SGCD: variants seen among roughly 807,000 people sequenced by gnomAD.
SGCD encodes delta-sarcoglycan.
SGCD carries 18 observed loss-of-function variants against 36.6 expected under a neutral mutation model. That is an observed-to-expected ratio of 0.49 (90% CI 0.34 to 0.73). The LOEUF (loss-of-function observed/expected upper bound fraction) is 0.73, where lower values mean the gene tolerates loss of function less well. SGCD is among the 30% of genes least tolerant of loss of function. The pLI is 0.01. For missense variants in SGCD, 387 were observed against 346.7 expected, an observed-to-expected ratio of 1.12 and a Z score of -0.92; for synonymous variants, 133 against 130.6, an observed-to-expected ratio of 1.02 and a Z score of -0.12.
intron 2 of SGCD, among the ~76,000 whole-genome samples, chr5:156,342,811 C>A (rs780296802): frequency 3.3e-5 from 5 of 152,218 alleles, no homozygotes; most frequent in Admixed American, 1.3e-4. Flanking sequence ...TACATACCCC[C>A]AGACAGCAGC....
At chr5:155,961,594 G>T (rs1474476659) in intron 1 of SGCD, among the ~76,000 whole-genome samples, 3 of 152,126 alleles carry the variant, frequency 2.0e-5, no homozygotes, top group Non-Finnish European at 4.4e-5. Context: ...TAGCCATGCT[G>T]TGTGTTGCCG....
chr5:156,604,362 T>C (rs1391679321), intron 6 of SGCD, among the ~76,000 whole-genome samples: 1 of 152,020 alleles, frequency 6.6e-6, no homozygotes, highest in Non-Finnish European at 1.5e-5. Flanking sequence ...TATATTTTAA[T>C]TAAAGAATTT....
intron 1 of SGCD, among the ~76,000 whole-genome samples, chr5:155,883,540 G>A (rs944669388): frequency 3.9e-5 from 6 of 152,068 alleles, no homozygotes; most frequent in African/African-American, 9.7e-5. Flanking sequence ...TGGAAGAATG[G>A]CTGGTTGGTG....
chr5:156,351,756 C>T (rs1769269854), intron 3 of SGCD, among the ~76,000 whole-genome samples: 1 of 152,006 alleles, frequency 6.6e-6, no homozygotes, highest in Non-Finnish European at 1.5e-5. Context: ...ACCAATTTTA[C>T]AAGGGAGGGA....
chr5:156,071,846 A>G (rs532867782), intron 1 of SGCD, among the ~76,000 whole-genome samples: 1 of 152,274 alleles, frequency 6.6e-6, no homozygotes, highest in Non-Finnish European at 1.5e-5. Context: ...TTAGATAGTT[A>G]GCTCTTCTTG....
chr5:156,122,790 A>G (rs1473516638), intron 2 of SGCD, among the ~76,000 whole-genome samples: 1 of 138,988 alleles, frequency 7.2e-6, no homozygotes, highest in Admixed American at 7.8e-5. Flanking sequence ...CTGCTGTGCA[A>G]CCTTGTAGAT....
At chr5:155,870,353 A>G (rs930372039) in exon 1 of SGCD, 10 of 152,218 alleles carry the variant, frequency 6.6e-5, no homozygotes, top group Non-Finnish European at 1.0e-4. Context: ...GGTGATATCT[A>G]TTGAAGCTGG....
chr5:156,344,147 C>T (rs138279752), intron 2 of SGCD, among the ~76,000 whole-genome samples: 4 of 152,242 alleles, frequency 2.6e-5, no homozygotes, highest in Admixed American at 6.5e-5. Context: ...ATTTTTCCTT[C>T]GGTTTGGTAG....
intron 1 of SGCD, among the ~76,000 whole-genome samples, chr5:155,967,805 G>A (rs1399659098): frequency 6.6e-6 from 1 of 152,024 alleles, no homozygotes; most frequent in Non-Finnish European, 1.5e-5. Flanking sequence ...TAATTTGGTA[G>A]AGATAGTGTG....
At chr5:155,746,802 T>C in the SGCD span, among the ~76,000 whole-genome samples, 1 of 152,200 alleles carries the variant, frequency 6.6e-6, no homozygotes, top group Admixed American at 6.5e-5. Context: ...CAGTTAAATC[T>C]GTACTTACTG....
At chr5:156,090,526 A>G (rs1370610890) in intron 1 of SGCD, among the ~76,000 whole-genome samples, 1 of 152,184 alleles carries the variant, frequency 6.6e-6, no homozygotes, top group African/African-American at 2.4e-5. Flanking sequence ...AGGGCAGAGC[A>G]AGATCACAAG....
intron 3 of SGCD, among the ~76,000 whole-genome samples, chr5:156,160,885 G>A (rs1030255240): frequency 2.0e-5 from 3 of 151,578 alleles, no homozygotes; most frequent in Non-Finnish European, 4.4e-5. Flanking sequence ...TTCCTCTAAA[G>A]AGCTAGATAG....
chr5:156,076,259 A>G (rs1760782365), intron 1 of SGCD, among the ~76,000 whole-genome samples: 2 of 152,018 alleles, frequency 1.3e-5, no homozygotes, highest in Non-Finnish European at 2.9e-5. Context: ...ACCTTGATAC[A>G]GCAGGTGGTT....
the SGCD span, among the ~76,000 whole-genome samples, chr5:155,786,936 A>T: frequency 4.6e-5 from 7 of 152,300 alleles, no homozygotes; most frequent in East Asian, 1.4e-3. Context: ...GAGCTAGTTC[A>T]TTAGCTGCCT....
At chr5:156,268,724 C>G (rs1347560684) in intron 3 of SGCD, among the ~76,000 whole-genome samples, 2 of 152,148 alleles carry the variant, frequency 1.3e-5, no homozygotes, top group Non-Finnish European at 2.9e-5. Context: ...TCCTGAGTAG[C>G]TGGGATTAGA....
intron 1 of SGCD, among the ~76,000 whole-genome samples, chr5:155,954,367 AAGC>A (rs1757604724): frequency 6.6e-6 from 1 of 152,146 alleles, no homozygotes; most frequent in African/African-American, 2.4e-5. Flanking sequence ...ACTTCACACA[AAGC>A]AGCACATACA....
the SGCD span, among the ~76,000 whole-genome samples, chr5:155,797,697 C>G: frequency 3.9e-5 from 6 of 152,206 alleles, no homozygotes; most frequent in African/African-American, 1.4e-4. Context: ...AATCCCCAAG[C>G]TCTCAGAGCT....
chr5:156,487,817 G>GAAAA (rs1381150210), intron 3 of SGCD, among the ~76,000 whole-genome samples: 12 of 66,906 alleles, frequency 1.8e-4, no homozygotes, highest in South Asian at 5.9e-4. Context: ...AAAAAAAAAA[G>GAAAA]AAAGAAAGAA....
rs1554082630 is a variant in SGCD at position 156,185,873 on chromosome 5, A to AGAGAGAGAGG, written c.-44+61863_-44+61864insGGAGAGAGAG. ...TATAGAGAGAGAGAGAGAGAGAGAGAGAGAGAGAGAGAGGGCCATGTCTCC... is the reference window on the plus strand; with the variant it reads ...TATAGAGAGAGAGAGAGAGAGAGAGAGAGAGAGAGGGAGAGAGAGAGAGGGCCATGTCTCC... On this transcript the variant is annotated intron_variant, in intron 3 of 9. Transcript: ENST00000517913. Among the ~76,000 whole-genome samples the AGAGAGAGAGG allele has an allele frequency of 1.3e-4, 16 of 124,738 alleles. 1 individual carries two copies. The highest frequency in any genetic ancestry group is 4.1e-4 in the Admixed American group (5 of 12,216). The allele number at this position is 124,738 out of a possible 152,430, so 81.8% of individuals were successfully genotyped here.
Sources: allele counts gnomAD v4.1 joint callset (sites outside exome capture counted in the v4.1 genomes callset), GRCh38; gene constraint gnomAD v4.1.1; transcripts MANE v1.5; gene names NCBI Gene and HGNC (gene_info 2026-07-23, HGNC 2026-07-21).